SUCLG2: variants seen among roughly 807,000 people sequenced by gnomAD.
SUCLG2 encodes the protein succinate--CoA ligase [GDP-forming] subunit beta, mitochondrial.
In SUCLG2, 42 loss-of-function variants were observed where a neutral mutation model predicts 47.9. That is an observed-to-expected ratio of 0.88 (90% CI 0.69 to 1.14). The LOEUF (loss-of-function observed/expected upper bound fraction) is 1.14, where lower values mean the gene tolerates loss of function less well. SUCLG2 is among the 50% of genes most tolerant of loss of function. The pLI is 0.00. For missense variants in SUCLG2, 571 were observed against 525.9 expected, an observed-to-expected ratio of 1.09 and a Z score of -0.84; for synonymous variants, 195 against 197.3, an observed-to-expected ratio of 0.99 and a Z score of 0.10.
At chr3:67,475,240 C>T (rs560647478) in intron 9 of SUCLG2, among the ~76,000 whole-genome samples, 10 of 152,176 alleles carry the variant, frequency 6.6e-5, no homozygotes, top group East Asian at 3.9e-4. Flanking sequence ...AGAATGAAAA[C>T]GATATTAAAC....
At chr3:67,490,157 G>T (rs1004977606) in intron 9 of SUCLG2, among the ~76,000 whole-genome samples, 1 of 152,028 alleles carries the variant, frequency 6.6e-6, no homozygotes, top group African/African-American at 2.4e-5. Context: ...ACAATTTTAC[G>T]GCACCTCAGT....
chr3:67,506,113 C>T (rs1705631287), intron 7 of SUCLG2, among the ~76,000 whole-genome samples: 2 of 152,144 alleles, frequency 1.3e-5, no homozygotes, highest in South Asian at 2.1e-4. Flanking sequence ...AAATGTTCTG[C>T]TACTACTGAT....
intron 1 of SUCLG2, among the ~76,000 whole-genome samples, chr3:67,624,040 G>C (rs1700780632): frequency 2.0e-5 from 3 of 152,194 alleles, no homozygotes; most frequent in African/African-American, 7.2e-5. Flanking sequence ...AATAAATCCA[G>C]ATGAAAGCTT....
intron 9 of SUCLG2, among the ~76,000 whole-genome samples, chr3:67,443,437 A>G (rs1703827686): frequency 1.3e-5 from 1 of 74,934 alleles, no homozygotes; most frequent in Non-Finnish European, 3.0e-5. Flanking sequence ...TTGGCCTCCC[A>G]AAGTGCCGAG....
intron 9 of SUCLG2, among the ~76,000 whole-genome samples, chr3:67,409,727 AACC>A (rs1163205818): frequency 9.2e-5 from 14 of 152,300 alleles, no homozygotes; most frequent in Admixed American, 8.5e-4. Context: ...CATCCTGCAT[AACC>A]ACCAAGAATA....
intron 10 of SUCLG2, among the ~76,000 whole-genome samples, chr3:67,392,625 A>G (rs1444056813): frequency 3.3e-5 from 5 of 152,170 alleles, no homozygotes; most frequent in African/African-American, 1.2e-4. Context: ...ACGTCCTAAT[A>G]CACTTTAGGC....
chr3:67,648,458 AC>A lies in SUCLG2; in HGVS notation c.84+6044del, dbSNP rs1203037250. 3.9e-5 allele frequency among the ~76,000 whole-genome samples: 6 copies of A among 152,338 alleles called. No individual in the cohort carries two copies. In the East Asian group the frequency reaches 1.2e-3, roughly 29 times the overall value. On this transcript the variant is annotated intron_variant, in intron 1 of 10. Transcript: ENST00000307227. ...CAGTTTAACTGCCTAGTTCAGCCCA[AC>A]TAGGATCTTTCAGTGACAGAGCTTA...
chr3:67,609,701 A>T (rs1044218689), intron 1 of SUCLG2, 105 bp from the exon 2 acceptor site: 2 of 1,076,984 alleles, frequency 1.9e-6, no homozygotes, highest in African/African-American at 3.4e-5. Flanking sequence ...GGCAATCTGC[A>T]ACCCAGAGTT....
chr3:67,555,696 G>A (rs1707143277), intron 2 of SUCLG2, among the ~76,000 whole-genome samples: 1 of 152,166 alleles, frequency 6.6e-6, no homozygotes, highest in Admixed American at 6.5e-5. Context: ...AGTCTTTGAT[G>A]ATATAAATAA....
chr3:67,644,898 C>G (rs930731098), intron 1 of SUCLG2, among the ~76,000 whole-genome samples: 1 of 151,950 alleles, frequency 6.6e-6, no homozygotes, highest in Admixed American at 6.6e-5. Flanking sequence ...TTAATTTTAC[C>G]TAAATTATGA....
At chr3:67,527,979 C>T (rs1706299701) in intron 4 of SUCLG2, among the ~76,000 whole-genome samples, 153 bp downstream of exon 4, 1 of 152,158 alleles carries the variant, frequency 6.6e-6, no homozygotes, top group African/African-American at 2.4e-5. Context: ...CCAAGACATA[C>T]TACTTACTAA....
intron 2 of SUCLG2, among the ~76,000 whole-genome samples, chr3:67,589,117 C>T (rs905140993): frequency 2.0e-5 from 3 of 152,144 alleles, no homozygotes; most frequent in Non-Finnish European, 4.4e-5. Context: ...GTGATCCACC[C>T]ACTTGGAATG....
rs530044232 is a variant in SUCLG2 at position 67,491,240 on chromosome 3, A to T, written c.1062+4558T>A. ...GAGGCTAAGTCAGAAGAAAAAAAAA[A>T]AAAAAAGAGAGAAAAGAAAAGAAAT... On this transcript the variant is annotated intron_variant, in intron 9 of 10. Transcript: ENST00000307227. Among the ~76,000 whole-genome samples, 4 of 151,522 alleles carry T rather than the reference A, an allele frequency of 2.6e-5. No individual in the cohort carries two copies. The South Asian group carries it at 6.2e-4, about 24-fold the overall frequency.
intron 9 of SUCLG2, among the ~76,000 whole-genome samples, chr3:67,467,783 C>A (rs1327418895): frequency 6.6e-6 from 1 of 151,820 alleles, no homozygotes; most frequent in Non-Finnish European, 1.5e-5. Flanking sequence ...TATTAATATA[C>A]CCATTTCACA....
intron 2 of SUCLG2, among the ~76,000 whole-genome samples, chr3:67,559,431 G>C (rs560729165): frequency 6.6e-6 from 1 of 151,744 alleles, no homozygotes; most frequent in East Asian, 1.9e-4. Flanking sequence ...TCACAAGGTA[G>C]CAGGAGAGAG....
intron 2 of SUCLG2, among the ~76,000 whole-genome samples, chr3:67,538,914 C>T (rs897413611): frequency 2.0e-5 from 3 of 152,138 alleles, no homozygotes; most frequent in Non-Finnish European, 2.9e-5. Flanking sequence ...ACTTTGTATC[C>T]TGAGACTTCG....
At chr3:67,550,491 T>C (rs1320915721) in intron 2 of SUCLG2, among the ~76,000 whole-genome samples, 3 of 152,008 alleles carry the variant, frequency 2.0e-5, no homozygotes, top group Non-Finnish European at 4.4e-5. Context: ...AGAACACAAG[T>C]GCACACCACC....
chr3:67,626,539 CCAA>C (rs996145329), intron 1 of SUCLG2, among the ~76,000 whole-genome samples: 3 of 151,990 alleles, frequency 2.0e-5, no homozygotes, highest in Non-Finnish European at 4.4e-5. Flanking sequence ...ACAACACAGA[CCAA>C]CATCATGAAA....
downstream of SUCLG2, among the ~76,000 whole-genome samples, chr3:67,373,164 T>C (rs1553693067): frequency 6.6e-6 from 1 of 151,944 alleles, no homozygotes; most frequent in Non-Finnish European, 1.5e-5. Context: ...ATGATCACAA[T>C]CAAACATTCA....
Sources: allele counts gnomAD v4.1 joint callset (sites outside exome capture counted in the v4.1 genomes callset), GRCh38; gene constraint gnomAD v4.1.1; transcripts MANE v1.5; gene names NCBI Gene and HGNC (gene_info 2026-07-23, HGNC 2026-07-21).